The following GRAMD4 variants were observed in gnomAD, a reference collection of about 807,000 sequenced individuals.
GRAMD4 encodes GRAM domain-containing protein 4.
In GRAMD4, 25 loss-of-function variants were observed where a neutral mutation model predicts 83.9. The ratio of observed to expected loss-of-function variants is 0.30; its 90% CI spans 0.22 to 0.42. The LOEUF is 0.42. Among genes scored for constraint, GRAMD4 ranks in the 10% least tolerant of loss-of-function variants. GRAMD4 has a pLI of 1.00. For synonymous variants in GRAMD4, 336 were observed against 320.9 expected, an observed-to-expected ratio of 1.05 and a Z score of -0.50; for missense variants, 593 against 788.7, an observed-to-expected ratio of 0.75 and a Z score of 2.97.
Position 46,674,691 on chromosome 22 carries a change from C to T in GRAMD4, c.1419C>T (p.Asn473=). 5 of 1,613,134 alleles carry T rather than the reference C, an allele frequency of 3.1e-6. No individual in the cohort carries two copies. Among genetic ancestry groups the T allele is most frequent in the Non-Finnish European group, 4.2e-6 (5 of 1,179,688 alleles). ...ATGGCTGGCGCTGCTGCCTCATCAA[C>T]AGGGACCGGAAGATGCCCACGGACT... ...CENGWRCCLI[N]RDRKMPTDYI... Residue 473 remains asparagine, a synonymous_variant, in exon 16 of 19, where the codon AAC becomes AAT. Coordinates refer to ENST00000406902, the MANE Select transcript of GRAMD4 (RefSeq NM_015124.5).
chr22:46,654,284 G>T (rs557551933), intron 3 of GRAMD4, among the ~76,000 whole-genome samples: 1 of 152,306 alleles, frequency 6.6e-6, no homozygotes, highest in Admixed American at 6.5e-5. Flanking sequence ...CCTGCCTTGG[G>T]GCATGGACCC....
intron 2 of GRAMD4, among the ~76,000 whole-genome samples, chr22:46,631,203 G>C (rs1193945816): frequency 6.6e-6 from 1 of 152,260 alleles, no homozygotes. Context: ...TCAGTGTGCA[G>C]TTCAGGGGCA....
intron 1 of GRAMD4, among the ~76,000 whole-genome samples, chr22:46,602,430 C>T (rs1026679096): frequency 3.3e-5 from 5 of 152,102 alleles, no homozygotes; most frequent in Admixed American, 6.5e-5. Context: ...GTAGCCCCAA[C>T]GCTTTGCGAG....
At chr22:46,629,557 C>G (rs1310153901) in intron 2 of GRAMD4, among the ~76,000 whole-genome samples, 1 of 152,136 alleles carries the variant, frequency 6.6e-6, no homozygotes, top group Non-Finnish European at 1.5e-5. Context: ...CCTCTCATCA[C>G]CCTTCTTTAC....
In GRAMD4 at chr22:46,577,245, G is replaced by T. The variant is rs2081050767; in HGVS notation, c.-95G>T. On this transcript the variant is annotated 5_prime_UTR_variant, in exon 1 of 2. Transcript: ENST00000431155. ...GCGCGGCCGGGCGGCCGGCGAGGGG[G>T]GCGCCGCGGCGGGTGGATGAGAGTT... The T allele has an allele frequency of 6.4e-5, 63 of 977,004 alleles. 1 individual carries two copies. In the South Asian group the frequency reaches 2.6e-3, roughly 41 times the overall value. The allele number at this position is 977,004 out of a possible 1,614,324, so 60.5% of individuals were successfully genotyped here. A position where few individuals can be genotyped will look rare whatever the true frequency, so the allele number is the denominator to read the frequency against.
At chr22:46,674,606 A>T (rs1344222967) in intron 15 of GRAMD4, 51 bp from the exon 16 acceptor site, 3 of 1,253,784 alleles carry the variant, frequency 2.4e-6, no homozygotes, top group Non-Finnish European at 3.5e-6. Context: ...GTCAGGTCAG[A>T]GGCTGGGTAC....
At chr22:46,600,324 G>C (rs1403823586) in intron 1 of GRAMD4, among the ~76,000 whole-genome samples, 1 of 152,294 alleles carries the variant, frequency 6.6e-6, no homozygotes, top group South Asian at 2.1e-4. Flanking sequence ...TTAAGCAGAG[G>C]GGGGCTTTGC....
At position 46,588,439 on chromosome 22, in the gene GRAMD4, C is replaced by T. The variant is rs1216813072; in HGVS notation, c.-50+11149C>T. On this transcript the variant is annotated intron_variant, in intron 1 of 1. Transcript: ENST00000431155. ...CAGACCCGGCTGGCTTGTTGGAGCA[C>T]CCTCCCCGGGCGAGTGCTGTTCATA... Among the ~76,000 whole-genome samples, 9 of 152,158 alleles carry T rather than the reference C, an allele frequency of 5.9e-5. No individual in the cohort carries two copies. In the South Asian group the frequency reaches 1.9e-3, roughly 32 times the overall value.
At chr22:46,640,754 C>T (rs1225053509) in intron 3 of GRAMD4, among the ~76,000 whole-genome samples, 15 of 152,128 alleles carry the variant, frequency 9.9e-5, no homozygotes, top group Admixed American at 9.8e-4. Context: ...AACAAGATTC[C>T]CAGCAAGATT....
intron 13 of GRAMD4, among the ~76,000 whole-genome samples, chr22:46,671,610 C>T (rs1256634884): frequency 1.3e-5 from 2 of 152,018 alleles, no homozygotes; most frequent in Admixed American, 6.6e-5. Flanking sequence ...GAGCCAAGAT[C>T]ATGTTGCTGC....
intron 5 of GRAMD4, 65 bp from the exon 6 acceptor site, chr22:46,662,975 G>A (rs760891907): frequency 2.5e-5 from 37 of 1,489,260 alleles, no homozygotes; most frequent in Admixed American, 1.0e-4. Flanking sequence ...CTGAGATCCC[G>A]GAGCCGACCC....
chr22:46,650,018 G>A (rs1051472231), intron 3 of GRAMD4, among the ~76,000 whole-genome samples: 1 of 152,178 alleles, frequency 6.6e-6, no homozygotes, highest in Non-Finnish European at 1.5e-5. Flanking sequence ...GTTCAGGTGA[G>A]AGTCCGGGGG....
At chr22:46,663,007 G>C in intron 5 of GRAMD4, 33 bp from the exon 6 acceptor site, 1 of 1,576,986 alleles carries the variant, frequency 6.3e-7, no homozygotes, top group Non-Finnish European at 8.6e-7. Flanking sequence ...GTGCAGCCCT[G>C]CCGTGCCCTC....
chr22:46,652,997 T>C (rs758245251), intron 3 of GRAMD4, among the ~76,000 whole-genome samples: 7 of 152,104 alleles, frequency 4.6e-5, no homozygotes, highest in Non-Finnish European at 8.8e-5. Flanking sequence ...TCATTTCAGT[T>C]TCGGGAGAGA....
chr22:46,603,951 A>C (rs2081341225), intron 1 of GRAMD4, among the ~76,000 whole-genome samples: 1 of 152,088 alleles, frequency 6.6e-6, no homozygotes, highest in Admixed American at 6.6e-5. Flanking sequence ...CTTTGGTCTA[A>C]TCTGAATTTA....
chr22:46,673,937 C>A, intron 15 of GRAMD4, 123 bp downstream of exon 15: 1 of 1,022,164 alleles, frequency 9.8e-7, no homozygotes, highest in South Asian at 1.4e-5. Flanking sequence ...CTCAGGATGG[C>A]ATTCACATCC....
intron 1 of GRAMD4, among the ~76,000 whole-genome samples, chr22:46,603,436 C>T (rs1194645622): frequency 6.6e-6 from 1 of 150,826 alleles, no homozygotes; most frequent in Non-Finnish European, 1.5e-5. Context: ...GTCTCGATCT[C>T]CTGACCTCGT....
chr22:46,662,447 C>T (rs554139623), intron 5 of GRAMD4, among the ~76,000 whole-genome samples: 6 of 152,370 alleles, frequency 3.9e-5, no homozygotes, highest in South Asian at 2.1e-4. Context: ...TCCGGTTTCC[C>T]GCCGTGGAGG....
intron 1 of GRAMD4, among the ~76,000 whole-genome samples, chr22:46,603,725 C>T (rs1249417016): frequency 6.6e-6 from 1 of 151,446 alleles, no homozygotes; most frequent in East Asian, 1.9e-4. Flanking sequence ...AATGTGTTAG[C>T]CAGGATGGTC....
Sources: allele counts gnomAD v4.1 joint callset (sites outside exome capture counted in the v4.1 genomes callset), GRCh38; gene constraint gnomAD v4.1.1; transcripts MANE v1.5; gene names NCBI Gene and HGNC (gene_info 2026-07-23, HGNC 2026-07-21).